The following CROCC2 variants were observed in gnomAD, a reference collection of about 807,000 sequenced individuals.
The protein encoded by CROCC2 is ciliary rootlet coiled-coil, rootletin family member 2.
A neutral mutation model predicts 177.6 loss-of-function variants in CROCC2; 163 were observed. That is an observed-to-expected ratio of 0.92 (90% CI 0.81 to 1.05). CROCC2 has a LOEUF of 1.05. Ranked by LOEUF, CROCC2 falls within the 50% of genes least tolerant of loss-of-function variation. The probability of loss-of-function intolerance (pLI) is 0.00; values close to 1 mark genes in which losing one functional copy is unlikely to be tolerated. For synonymous variants in CROCC2, 904 were observed against 787.3 expected, an observed-to-expected ratio of 1.15 and a Z score of -2.48; for missense variants, 1,929 against 1,797.8, an observed-to-expected ratio of 1.07 and a Z score of -1.32.
chr2:240,907,670 G>A (rs1038055275), intron 1 of CROCC2, among the ~76,000 whole-genome samples: 3 of 152,176 alleles, frequency 2.0e-5, no homozygotes, highest in African/African-American at 7.2e-5. Flanking sequence ...ATCAGGCGAT[G>A]CAACAAGACA....
intron 20 of CROCC2, among the ~76,000 whole-genome samples, chr2:240,962,942 C>T (rs1367281974): frequency 6.6e-6 from 1 of 152,226 alleles, no homozygotes; most frequent in East Asian, 1.9e-4. Flanking sequence ...AACCAAGACC[C>T]TCCTCCCACT....
Position 240,956,120 on chromosome 2 carries a change from T to C in CROCC2, c.2943+148T>C. The C allele has an allele frequency of 4.7e-6, 3 of 638,492 alleles. No homozygotes were observed. The South Asian group carries it at 5.5e-5, about 12-fold the overall frequency. 39.6% of individuals were successfully genotyped at this position (638,492 alleles called of 1,614,324 possible). On this transcript the variant is annotated intron_variant, in intron 19 of 31. Transcript: ENST00000690015. ...AGTTTCCCCCAGGTGCCTCCAGGGC[T>C]CCTGGTGGGAGGGGCACTCAATGGG...
intron 14 of CROCC2, among the ~76,000 whole-genome samples, chr2:240,944,885 C>T (rs1161434238): frequency 2.0e-5 from 3 of 152,092 alleles, no homozygotes; most frequent in Non-Finnish European, 2.9e-5. Flanking sequence ...ATTTGAGGAT[C>T]TTGATGATGC....
At position 240,964,461 on chromosome 2, in the gene CROCC2, G is replaced by A. The variant is rs111325159; in HGVS notation, c.3306-5G>A. On this transcript the variant is annotated splice_region_variant and splice_polypyrimidine_tract_variant and intron_variant, in intron 21 of 31. Coordinates refer to ENST00000690015, the MANE Select transcript of CROCC2 (RefSeq NM_001351305.2). ...GGGGGCCCCAGCCTGTGGCACCCTC[G>A]TCAGTTTTAAGCGGTCCAAGGAGGA... 1.8e-4 allele frequency: 273 copies of A among 1,548,446 alleles called. 4 individuals carry two copies. The highest frequency in any genetic ancestry group is 8.2e-4 in the African/African-American group (60 of 73,102).
At chr2:240,964,859 G>A (rs1324095026) in intron 22 of CROCC2, among the ~76,000 whole-genome samples, 2 of 152,192 alleles carry the variant, frequency 1.3e-5, no homozygotes, top group African/African-American at 4.8e-5. Context: ...TAGCGAGGAG[G>A]AAGGGAACCA....
chr2:240,949,489 G>A lies in CROCC2; in HGVS notation c.2483-44G>A, dbSNP rs2059540868. The A allele has an allele frequency of 1.3e-6, 2 of 1,542,676 alleles. No homozygotes were observed. Among genetic ancestry groups the A allele is most frequent in the Non-Finnish European group, 1.8e-6 (2 of 1,140,940 alleles). The stretch of plus-strand genomic sequence containing the variant: ...CTAGGAAGTCCCAAAGGGTTCAGGG[G>A]TCCACATGCCAGGCCCTGGTGCATC... On this transcript the variant is annotated intron_variant, in intron 16 of 31. Coordinates refer to ENST00000690015, the MANE Select transcript of CROCC2 (RefSeq NM_001351305.2). The surrounding 1 kb of genome is among the most constrained non-coding windows in gnomAD (Gnocchi z 4.5).
chr2:240,966,745 C>A (rs886083415), intron 25 of CROCC2, among the ~76,000 whole-genome samples: 12 of 152,264 alleles, frequency 7.9e-5, no homozygotes, highest in African/African-American at 2.4e-4. Context: ...CAGCAAGCTC[C>A]CCTCAATGCT....
chr2:240,939,719 G>A (rs897083811), intron 14 of CROCC2, among the ~76,000 whole-genome samples: 1 of 152,006 alleles, frequency 6.6e-6, no homozygotes, highest in African/African-American at 2.4e-5. Flanking sequence ...TTCTTCATCT[G>A]CATCCTAATA....
intron 14 of CROCC2, among the ~76,000 whole-genome samples, chr2:240,943,096 C>T (rs190018911): frequency 6.6e-6 from 1 of 152,286 alleles, no homozygotes; most frequent in Admixed American, 6.5e-5. Flanking sequence ...CAGCCTCGAC[C>T]TTCTGGGCTC....
chr2:240,964,999 G>A (rs1487373160), intron 22 of CROCC2, among the ~76,000 whole-genome samples: 1 of 152,196 alleles, frequency 6.6e-6, no homozygotes, highest in Non-Finnish European at 1.5e-5. Context: ...GGGAGGCCTG[G>A]CCTCTGCAGG....
intron 22 of CROCC2, among the ~76,000 whole-genome samples, 192 bp downstream of exon 22, chr2:240,964,817 C>T (rs1300950259): frequency 6.6e-6 from 1 of 152,174 alleles, no homozygotes; most frequent in Non-Finnish European, 1.5e-5. Flanking sequence ...GCACAGATGA[C>T]AAGACTGGAG....
Position 240,949,182 on chromosome 2 carries a change from C to T in CROCC2, c.2482+85C>T, listed in dbSNP as rs2059539576. On this transcript the variant is annotated intron_variant, in intron 16 of 31. Transcript: ENST00000690015. This position sits in a 1 kb window ranked among gnomAD's most constrained non-coding sequence, Gnocchi z 4.5. The stretch of plus-strand genomic sequence containing the variant: ...GAATGGAGCTCAGTGCCCACACGTG[C>T]TGCACCCCCTCTCCGGAGCCCACAG... The T allele has an allele frequency of 3.4e-6, 5 of 1,452,028 alleles. No individual in the cohort carries two copies. The highest frequency in any genetic ancestry group is 4.5e-6 in the Non-Finnish European group (5 of 1,106,692). 89.9% of individuals were successfully genotyped at this position (1,452,028 alleles called of 1,614,324 possible).
intron 14 of CROCC2, among the ~76,000 whole-genome samples, chr2:240,936,397 G>T (rs1467775057): frequency 6.6e-6 from 1 of 152,158 alleles, no homozygotes; most frequent in African/African-American, 2.4e-5. Context: ...ACCACGGACT[G>T]GATGCACCTG....
In CROCC2 at chr2:240,967,482, T is replaced by C. The variant is rs1574786546; in HGVS notation, c.4267+17T>C. On this transcript the variant is annotated intron_variant, in intron 26 of 31. Transcript: ENST00000690015. ...CGGAAGAAGGTGACCTCCCTTGCCC[T>C]GCCCCGCCCACCCTGGGAGTGGCTG... 1.9e-5 allele frequency: 19 copies of C among 1,023,646 alleles called. No homozygotes were observed. Among genetic ancestry groups the C allele is most frequent in the Non-Finnish European group, 2.6e-5 (18 of 681,558 alleles). 63.4% of individuals were successfully genotyped at this position (1,023,646 alleles called of 1,614,324 possible). A position where few individuals can be genotyped will look rare whatever the true frequency, so the allele number is the denominator to read the frequency against.
chr2:240,958,578 C>A lies in CROCC2; in HGVS notation c.2944-723C>A. 1.0e-6 allele frequency: 1 copy of A among 985,046 alleles called. No individual in the cohort carries two copies. Among genetic ancestry groups the A allele is most frequent in the Non-Finnish European group, 1.2e-6 (1 of 829,644 alleles). 61.0% of individuals were successfully genotyped at this position (985,046 alleles called of 1,614,324 possible). ...GGAGGGAGCCATCCCCCACCAGCCG[C>A]CCCCCGCCAGCCGCCTGCTGCTGCC... On this transcript the variant is annotated intron_variant, in intron 19 of 31. Coordinates refer to ENST00000690015, the MANE Select transcript of CROCC2 (RefSeq NM_001351305.2). This position sits in a 1 kb window ranked among gnomAD's most constrained non-coding sequence, Gnocchi z 6.7.
intron 5 of CROCC2, chr2:240,929,751 G>T: frequency 2.1e-6 from 1 of 465,446 alleles, no homozygotes; most frequent in South Asian, 1.5e-5. Context: ...CATTGGAGTG[G>T]CAGGGCAGGA....
chr2:240,932,796 C>T lies in CROCC2; in HGVS notation c.1139C>T (p.Ala380Val). The change falls in exon 9 of 32, where the codon GCC becomes GTC. Residue 380 changes from alanine (A) to valine (V), a missense_variant. Ala to Val is a moderately conservative substitution (Grantham distance 64). Coordinates refer to ENST00000690015, the MANE Select transcript of CROCC2 (RefSeq NM_001351305.2). Reference protein sequence around the residue: ...PRRPLRSPQRATSPHQGASPP... With the variant: ...PRRPLRSPQRVTSPHQGASPP... The stretch of plus-strand genomic sequence containing the variant: ...CGCCCACTGAGGAGCCCCCAACGTG[C>T]CACATCCCCCCATCAAGGGGCGTCC... 6.7e-7 allele frequency: 1 copy of T among 1,483,762 alleles called. No individual in the cohort carries two copies. Among genetic ancestry groups the T allele is most frequent in the African/African-American group, 1.4e-5 (1 of 71,868 alleles). 91.9% of individuals were successfully genotyped at this position (1,483,762 alleles called of 1,614,324 possible). A position where few individuals can be genotyped will look rare whatever the true frequency, so the allele number is the denominator to read the frequency against.
chr2:240,910,781 A>G (rs1316037540), intron 1 of CROCC2, among the ~76,000 whole-genome samples: 1 of 152,066 alleles, frequency 6.6e-6, no homozygotes, highest in African/African-American at 2.4e-5. Context: ...TTTGTTCTTC[A>G]TCTCACTTCT....
chr2:240,989,633 A>G (rs2059863703), intron 29 of CROCC2, 21 bp from the exon 30 acceptor site: 1 of 1,529,082 alleles, frequency 6.5e-7, no homozygotes, highest in Non-Finnish European at 8.8e-7. Context: ...CAGCAGTGAG[A>G]TGCCCAAGTT....
Sources: allele counts gnomAD v4.1 joint callset (sites outside exome capture counted in the v4.1 genomes callset), GRCh38; gene constraint gnomAD v4.1.1; non-coding constraint Gnocchi (gnomAD v3.1); transcripts MANE v1.5; gene names NCBI Gene and HGNC (gene_info 2026-07-23, HGNC 2026-07-21).